Variants in AGMO observed in about 807,000 individuals in gnomAD.
AGMO encodes the protein glyceryl-ether monooxygenase.
Under a neutral mutation model 60.2 loss-of-function variants are expected in AGMO, and 75 were observed. That is an observed-to-expected ratio of 1.25 (90% CI 1.03 to 1.51). AGMO has a LOEUF of 1.51. Among genes scored for constraint, AGMO ranks in the 40% most tolerant of loss-of-function variants. The pLI is 0.00. For missense variants in AGMO, 763 were observed against 525.5 expected (o/e 1.45, Z -4.42); for synonymous variants, 261 against 177.1 (o/e 1.47, Z -3.76).
chr7:15,182,603 G>A, the AGMO span, among the ~76,000 whole-genome samples: 2 of 152,168 alleles, frequency 1.3e-5, no homozygotes, highest in South Asian at 4.1e-4. Flanking sequence ...TTCTGGTAGA[G>A]ACGGGGTTTC....
Position 15,555,318 on chromosome 7 carries a change from C to G in AGMO, c.257+4823G>C, listed in dbSNP as rs868071052. Among the ~76,000 whole-genome samples the G allele has an allele frequency of 4.5e-3, 670 of 148,634 alleles. 4 individuals carry two copies. Among genetic ancestry groups the G allele is most frequent in the African/African-American group, 0.016 (637 of 40,036 alleles). ...ACACACACACACACACACACACACACACACACACACACACACACATATGTA... is the reference window on the plus strand; with the variant it reads ...ACACACACACACACACACACACACAGACACACACACACACACACATATGTA... On this transcript the variant is annotated intron_variant, in intron 2 of 12. Coordinates refer to ENST00000342526, the MANE Select transcript of AGMO (RefSeq NM_001004320.2).
At position 15,548,816 on chromosome 7, in the gene AGMO, C is replaced by A. The variant is rs530012095; in HGVS notation, c.258-3893G>T. Among the ~76,000 whole-genome samples, 421 of 152,092 alleles carry A rather than the reference C, an allele frequency of 2.8e-3. 3 individuals carry two copies. The highest frequency in any genetic ancestry group is 9.5e-3 in the African/African-American group (395 of 41,478). On this transcript the variant is annotated intron_variant, in intron 2 of 12. Transcript: ENST00000342526. ...GTTCAGTTTCAGGAAATACAGAGAACGCCACAAAGATACTCCTCGAGAAGG... is the reference window on the plus strand; with the variant it reads ...GTTCAGTTTCAGGAAATACAGAGAAAGCCACAAAGATACTCCTCGAGAAGG...
rs370851079 is a variant in AGMO, at chr7:15,529,718, C to T, written c.409+15054G>A. Among the ~76,000 whole-genome samples the T allele has an allele frequency of 3.1e-4, 17 of 54,262 alleles. 3 individuals carry two copies. The highest frequency in any genetic ancestry group is 4.9e-4 in the Non-Finnish European group (14 of 28,764). 35.6% of individuals were successfully genotyped at this position (54,262 alleles called of 152,430 possible). A position where few individuals can be genotyped will look rare whatever the true frequency, so the allele number is the denominator to read the frequency against. ...ATATTCCATATATACTATATATATACTATATACTCTATATATATTCTATAT... is the reference window on the plus strand; with the variant it reads ...ATATTCCATATATACTATATATATATTATATACTCTATATATATTCTATAT... On this transcript the variant is annotated intron_variant, in intron 3 of 12. Transcript: ENST00000342526.
chr7:15,303,232 T>A (rs942088920), intron 12 of AGMO, among the ~76,000 whole-genome samples: 1 of 152,104 alleles, frequency 6.6e-6, no homozygotes, highest in Non-Finnish European at 1.5e-5. Context: ...ACCAAGGAGT[T>A]TTCAGAATGG....
chr7:15,334,190 A>C (rs140244710), intron 12 of AGMO, among the ~76,000 whole-genome samples: 169 of 152,236 alleles, frequency 1.1e-3, no homozygotes, highest in African/African-American at 4.0e-3. Flanking sequence ...GGATTCACAA[A>C]GCAAATTTGA....
intron 12 of AGMO, among the ~76,000 whole-genome samples, chr7:15,240,393 G>A (rs554492782): frequency 3.5e-4 from 54 of 152,204 alleles, no homozygotes; most frequent in African/African-American, 9.9e-4. Context: ...GCCTTCATCT[G>A]ACAAGAATTG....
the AGMO span, among the ~76,000 whole-genome samples, chr7:15,158,918 G>A: frequency 6.6e-6 from 1 of 152,088 alleles, no homozygotes; most frequent in East Asian, 1.9e-4. Flanking sequence ...ACAAAATGTT[G>A]AGCAAAGGCA....
the AGMO span, among the ~76,000 whole-genome samples, chr7:15,162,101 A>G: frequency 5.1e-3 from 777 of 152,046 alleles, 4 homozygotes; most frequent in Non-Finnish European, 6.4e-3. Context: ...TTAAAAATGG[A>G]AGTTTCCCCT....
chr7:15,217,731 AAT>A (rs1327835561), intron 12 of AGMO, among the ~76,000 whole-genome samples: 5 of 145,404 alleles, frequency 3.4e-5, no homozygotes, highest in Non-Finnish European at 7.5e-5. Flanking sequence ...TAAAATGAAA[AAT>A]ACAGTGTGTC....
At chr7:15,352,552 A>C (rs1013942080) in intron 12 of AGMO, among the ~76,000 whole-genome samples, 26 of 151,178 alleles carry the variant, frequency 1.7e-4, no homozygotes, top group African/African-American at 5.8e-4. Context: ...TGGTGCTTTT[A>C]AAATCTCAGG....
At chr7:15,309,010 C>T (rs1780690434) in intron 12 of AGMO, among the ~76,000 whole-genome samples, 1 of 152,140 alleles carries the variant, frequency 6.6e-6, no homozygotes, top group Admixed American at 6.6e-5. Context: ...AACTTTACTA[C>T]TCATGCAATT....
At chr7:15,306,380 C>T (rs1780614266) in intron 12 of AGMO, 2 of 345,642 alleles carry the variant, frequency 5.8e-6, no homozygotes, top group South Asian at 2.3e-5. Flanking sequence ...TTGGGGCTTA[C>T]AAAATCTTTA....
rs567766103 is a variant in AGMO at position 15,420,901 on chromosome 7, G to T, written c.514-2248C>A. ...ACTGTCTACCCTAGGTCATTTTATT[G>T]TCTTGTAGAAGTCATACATAATAAG... On this transcript the variant is annotated intron_variant, in intron 4 of 12. Coordinates refer to ENST00000342526, the MANE Select transcript of AGMO (RefSeq NM_001004320.2). Among the ~76,000 whole-genome samples the T allele has an allele frequency of 3.9e-5, 6 of 152,124 alleles. No individual in the cohort carries two copies. The East Asian group carries it at 9.7e-4, about 25-fold the overall frequency.
At chr7:15,258,869 A>G (rs1715038202) in intron 12 of AGMO, among the ~76,000 whole-genome samples, 2 of 152,178 alleles carry the variant, frequency 1.3e-5, no homozygotes, top group African/African-American at 2.4e-5. Context: ...TCCTTAGGGG[A>G]AGGAGGAGAA....
the AGMO span, among the ~76,000 whole-genome samples, chr7:15,171,990 C>A: frequency 1.3e-5 from 2 of 152,058 alleles, no homozygotes; most frequent in Admixed American, 6.6e-5. Flanking sequence ...CCTGGGATAA[C>A]CTCAGATCTA....
At chr7:15,218,876 G>A (rs1199445218) in intron 12 of AGMO, among the ~76,000 whole-genome samples, 1 of 152,130 alleles carries the variant, frequency 6.6e-6, no homozygotes, top group Non-Finnish European at 1.5e-5. Flanking sequence ...CAGAAAAATT[G>A]AAAGAGAAGT....
At chr7:15,151,958 A>G in the AGMO span, among the ~76,000 whole-genome samples, 1 of 152,124 alleles carries the variant, frequency 6.6e-6, no homozygotes, top group Non-Finnish European at 1.5e-5. Flanking sequence ...AGTGCTTCCA[A>G]TTGCATTCTG....
chr7:15,382,698 T>C lies in AGMO; in HGVS notation c.1074+2748A>G, dbSNP rs566055257. 3.3e-5 allele frequency among the ~76,000 whole-genome samples: 5 copies of C among 152,318 alleles called. No homozygotes were observed. The East Asian group carries it at 7.7e-4, about 23-fold the overall frequency. On this transcript the variant is annotated intron_variant, in intron 10 of 12. Coordinates refer to ENST00000342526, the MANE Select transcript of AGMO (RefSeq NM_001004320.2). ...TTTTAGAAGCGCTGCATGTTTGAAC[T>C]GCTGAAGTAATCAATCCTGGAAACA...
intron 3 of AGMO, among the ~76,000 whole-genome samples, chr7:15,466,621 T>A (rs1157780098): frequency 6.6e-6 from 1 of 152,176 alleles, no homozygotes; most frequent in African/African-American, 2.4e-5. Context: ...GGTTTGAATA[T>A]CTGCTCATCT....
Sources: gnomAD v4.1 joint callset for allele counts (sites outside exome capture counted in the v4.1 genomes callset) on GRCh38, gnomAD v4.1.1 for gene constraint, MANE v1.5 for transcripts, NCBI Gene and HGNC (gene_info 2026-07-23, HGNC 2026-07-21) for gene names.